Variants in ROBO1 observed in about 807,000 individuals in gnomAD.
ROBO1 encodes roundabout guidance receptor 1, also known as roundabout homolog 1.
A neutral mutation model predicts 195.9 loss-of-function variants in ROBO1; 149 were observed. The observed-to-expected ratio is 0.76, with a 90% CI of 0.67 to 0.87. The LOEUF is 0.87. ROBO1 is among the 40% of genes least tolerant of loss of function. The pLI, the probability that ROBO1 is intolerant of heterozygous loss-of-function variation, is 0.00. For missense variants in ROBO1, 1,933 were observed against 2,068.3 expected (o/e 0.93, Z 1.27); for synonymous variants, 816 against 733.2 (o/e 1.11, Z -1.82).
At position 79,073,713 on chromosome 3, in the gene ROBO1, A is replaced by G. The variant is rs997630965; in HGVS notation, c.172+51743T>C. Among the ~76,000 whole-genome samples, 6 of 151,966 alleles carry G rather than the reference A, an allele frequency of 3.9e-5. No individual in the cohort carries two copies. In the East Asian group the frequency reaches 9.8e-4, roughly 25 times the overall value. ...ATAATCTGTTTCTTAGCATTCAAAA[A>G]GAGAGTTCGCTTTATGCCGTCTAAC... is the stretch of plus-strand genomic sequence containing the variant. On this transcript the variant is annotated intron_variant, in intron 3 of 30. Coordinates refer to ENST00000464233, the MANE Select transcript of ROBO1 (RefSeq NM_002941.4).
chr3:79,510,858 T>C (rs1940667889), intron 2 of ROBO1, among the ~76,000 whole-genome samples: 1 of 152,170 alleles, frequency 6.6e-6, no homozygotes, highest in South Asian at 2.1e-4. Context: ...GAAAATAACA[T>C]CATGTATTTA....
chr3:78,897,399 G>C (rs2037301478), intron 4 of ROBO1, among the ~76,000 whole-genome samples: 1 of 152,194 alleles, frequency 6.6e-6, no homozygotes, highest in Non-Finnish European at 1.5e-5. Context: ...AGCATGTTTA[G>C]AAGTCAGGAC....
chr3:78,631,199 G>A lies in ROBO1; in HGVS notation c.3588C>T (p.His1196=). The change falls in exon 25 of 31, where the codon CAC becomes CAT. Residue 1196 remains histidine (H), a synonymous_variant. Transcript: ENST00000464233. ...LPPPPAHPPP[H]SNSEEYNISV... ...AAATGTTGTACTCTTCGCTATTGCT[G>A]TGTGGAGGAGGATGTGCTGGGGGAG... 1 of 1,612,926 alleles carries A rather than the reference G, an allele frequency of 6.2e-7. No homozygotes were observed. Among genetic ancestry groups the A allele is most frequent in the Non-Finnish European group, 8.5e-7 (1 of 1,179,406 alleles).
chr3:78,939,605 A>G (rs2107691862), intron 3 of ROBO1, among the ~76,000 whole-genome samples: 1 of 150,842 alleles, frequency 6.6e-6, no homozygotes, highest in South Asian at 2.1e-4. Flanking sequence ...GTGACACAGC[A>G]AGACTCTGCC....
intron 4 of ROBO1, among the ~76,000 whole-genome samples, chr3:78,836,503 C>A (rs2032733612): frequency 1.4e-5 from 1 of 73,022 alleles, no homozygotes; most frequent in Admixed American, 1.7e-4. Context: ...CAGAGCGAGA[C>A]TCTGTCTCCA....
intron 4 of ROBO1, among the ~76,000 whole-genome samples, chr3:78,833,570 A>G (rs2032427827): frequency 6.7e-6 from 1 of 149,242 alleles, no homozygotes; most frequent in South Asian, 2.3e-4. Flanking sequence ...GAGGAGAGAA[A>G]TGGGGGCAGA....
At chr3:79,012,061 G>C (rs146688439) in intron 3 of ROBO1, among the ~76,000 whole-genome samples, 13 of 152,238 alleles carry the variant, frequency 8.5e-5, no homozygotes, top group Admixed American at 3.9e-4. Context: ...CTTTGAACTT[G>C]ATACTTTCTG....
Position 78,599,436 on chromosome 3 carries a change from C to T in ROBO1, c.4942-509G>A, listed in dbSNP as rs553234173. ...TTTCAATTAGACATAATGGCCTATA[C>T]CTTTTCAGCTTCTACTATAAAAAGT... On this transcript the variant is annotated intron_variant, in intron 30 of 30. Transcript: ENST00000464233. 4.6e-5 allele frequency among the ~76,000 whole-genome samples: 7 copies of T among 152,212 alleles called. No homozygotes were observed. In the South Asian group the frequency reaches 1.2e-3, roughly 27 times the overall value.
chr3:79,217,371 G>GA (rs1015649037), intron 2 of ROBO1, among the ~76,000 whole-genome samples: 12 of 150,902 alleles, frequency 8.0e-5, no homozygotes, highest in Admixed American at 1.3e-4. Flanking sequence ...TACAATTTCA[G>GA]AAAAAAAAAT....
chr3:79,683,594 G>T (rs1266769188), intron 1 of ROBO1, among the ~76,000 whole-genome samples: 1 of 152,034 alleles, frequency 6.6e-6, no homozygotes, highest in Admixed American at 6.6e-5. Context: ...CCCATTAGCA[G>T]TCACTCCCTA....
intron 2 of ROBO1, among the ~76,000 whole-genome samples, chr3:79,158,590 C>T (rs1171595540): frequency 6.6e-6 from 1 of 151,304 alleles, no homozygotes; most frequent in Non-Finnish European, 1.5e-5. Context: ...AGTTTTTGTC[C>T]ACTTGAAATG....
chr3:78,639,572 G>A (rs1218839512), intron 22 of ROBO1, among the ~76,000 whole-genome samples, 172 bp downstream of exon 22: 1 of 152,234 alleles, frequency 6.6e-6, no homozygotes, highest in Admixed American at 6.5e-5. Flanking sequence ...AAGTATGGAG[G>A]TTAAGGGATG....
chr3:78,914,368 A>C (rs1341602614), intron 4 of ROBO1, among the ~76,000 whole-genome samples: 1 of 152,178 alleles, frequency 6.6e-6, no homozygotes, highest in East Asian at 1.9e-4. Flanking sequence ...AAAGGTTAAC[A>C]ATTACATTAT....
chr3:79,018,732 G>T, intron 3 of ROBO1: 1 of 1,234,494 alleles, frequency 8.1e-7, no homozygotes, highest in South Asian at 2.2e-5. Context: ...ACCATCCAAA[G>T]CGAACAACAA....
At chr3:79,422,022 G>T (rs2038243076) in intron 2 of ROBO1, among the ~76,000 whole-genome samples, 1 of 150,244 alleles carries the variant, frequency 6.7e-6, no homozygotes, top group Non-Finnish European at 1.5e-5. Context: ...TAGTTGTGTG[G>T]CATTAATTGT....
chr3:79,313,186 C>CA (rs61113124), intron 2 of ROBO1, among the ~76,000 whole-genome samples: 20,060 of 89,774 alleles, frequency 0.22, 1,565 homozygotes, highest in Middle Eastern at 0.28. Flanking sequence ...GACTCCATCT[C>CA]AAAAAAAAAA....
rs546925365 is a variant in ROBO1 at position 79,426,773 on chromosome 3, T to C, written c.88+163051A>G. 2.6e-5 allele frequency among the ~76,000 whole-genome samples: 4 copies of C among 152,278 alleles called. No individual in the cohort carries two copies. In the South Asian group the frequency reaches 6.2e-4, roughly 24 times the overall value. ...TCAACTAAATGACAGGAAAACCATC[T>C]AAGGTAACTTGAGAAAACATTTTAA... On this transcript the variant is annotated intron_variant, in intron 2 of 30. Transcript: ENST00000464233.
intron 4 of ROBO1, among the ~76,000 whole-genome samples, chr3:78,758,169 T>C (rs1403114399): frequency 6.6e-6 from 1 of 152,148 alleles, no homozygotes; most frequent in Non-Finnish European, 1.5e-5. Flanking sequence ...AAGTGAATCA[T>C]TTTATTATTC....
chr3:78,871,214 C>T (rs1020557211), intron 4 of ROBO1, among the ~76,000 whole-genome samples: 15 of 152,038 alleles, frequency 9.9e-5, no homozygotes, highest in Admixed American at 7.2e-4. Flanking sequence ...GGATGGAGAG[C>T]GGCACAGGGA....
Sources: allele counts gnomAD v4.1 joint callset (sites outside exome capture counted in the v4.1 genomes callset), GRCh38; gene constraint gnomAD v4.1.1; transcripts MANE v1.5; gene names NCBI Gene and HGNC (gene_info 2026-07-23, HGNC 2026-07-21).